ATP6V0A2: variants seen among roughly 807,000 people sequenced by gnomAD.
The protein encoded by ATP6V0A2 is V-type proton ATPase 116 kDa subunit a 2.
Under a neutral mutation model 104.4 loss-of-function variants are expected in ATP6V0A2, and 58 were observed. That is an observed-to-expected ratio of 0.56 (90% CI 0.45 to 0.69). ATP6V0A2 has a LOEUF of 0.69. ATP6V0A2 is among the 30% of genes least tolerant of loss of function. The pLI is 0.00. For missense variants in ATP6V0A2, 938 were observed against 1,062.9 expected (o/e 0.88, Z 1.63); for synonymous variants, 376 against 397.9 (o/e 0.95, Z 0.65).
chr12:123,741,299 A>T (rs1216915025), intron 9 of ATP6V0A2, among the ~76,000 whole-genome samples: 2 of 152,176 alleles, frequency 1.3e-5, no homozygotes, highest in East Asian at 3.8e-4. Context: ...AATAGAAAAA[A>T]AATTAGCCAG....
intron 17 of ATP6V0A2, 75 bp from the exon 18 acceptor site, chr12:123,754,345 G>A (rs1956743155): frequency 8.7e-7 from 1 of 1,149,382 alleles, no homozygotes; most frequent in Admixed American, 1.7e-5. Flanking sequence ...AATCCTTGAA[G>A]TGGAACCCAC....
intron 1 of ATP6V0A2, among the ~76,000 whole-genome samples, chr12:123,714,536 C>T (rs930415001): frequency 1.3e-5 from 2 of 152,154 alleles, no homozygotes; most frequent in African/African-American, 2.4e-5. Flanking sequence ...AGGGAAAGTT[C>T]GCACTTTTGT....
chr12:123,730,342 A>C (rs1431049347), intron 6 of ATP6V0A2, among the ~76,000 whole-genome samples: 1 of 151,990 alleles, frequency 6.6e-6, no homozygotes, highest in Non-Finnish European at 1.5e-5. Context: ...GGCGTGAGCC[A>C]CCACACCCGG....
rs554548406 is a variant in ATP6V0A2, at chr12:123,747,678, A to T, written c.1677A>T (p.Gly559=). The change falls in exon 14 of 20, where the codon GGA becomes GGT. Residue 559 remains glycine, a synonymous_variant. Coordinates refer to ENST00000330342, the MANE Select transcript of ATP6V0A2 (RefSeq NM_012463.4). ...SFKMKMSVIL[G]IIHMTFGVIL... ...AAATGAAAATGTCCGTGATTTTAGG[A>T]ATCATTCATATGACTTTTGGAGTCA... The T allele has an allele frequency of 3.7e-6, 6 of 1,613,204 alleles. No individual in the cohort carries two copies. Among genetic ancestry groups the T allele is most frequent in the South Asian group, 1.1e-5 (1 of 91,060 alleles).
At chr12:123,741,606 A>C (rs1052284779) in intron 9 of ATP6V0A2, among the ~76,000 whole-genome samples, 1 of 151,868 alleles carries the variant, frequency 6.6e-6, no homozygotes, top group Non-Finnish European at 1.5e-5. Flanking sequence ...ATGCCTGGCT[A>C]ATTTATTTAT....
chr12:123,730,346 C>T (rs1213342016), intron 6 of ATP6V0A2, among the ~76,000 whole-genome samples: 1 of 152,038 alleles, frequency 6.6e-6, no homozygotes. Context: ...TGAGCCACCA[C>T]ACCCGGCCAG....
Position 123,744,640 on chromosome 12 carries a change from T to C in ATP6V0A2, c.1370T>C (p.Met457Thr), listed in dbSNP as rs940156413. 1.2e-6 allele frequency: 2 copies of C among 1,613,824 alleles called. No homozygotes were observed. The highest frequency in any genetic ancestry group is 1.7e-6 in the Non-Finnish European group (2 of 1,180,026). The change falls in exon 12 of 20, where the codon ATG becomes ACG. Residue 457 changes from methionine to threonine, a missense_variant. Transcript: ENST00000330342. The surrounding 1 kb of genome is among the most constrained non-coding windows in gnomAD (Gnocchi z 5.4). ...AATGGCCGGTACATCCTCCTGCTGA[T>C]GGGGCTGTTCTCAGTGTACACTGGC... ...FFNGRYILLL[M>T]GLFSVYTGLI...
chr12:123,741,150 G>C (rs1956605373), intron 9 of ATP6V0A2, among the ~76,000 whole-genome samples: 2 of 152,062 alleles, frequency 1.3e-5, no homozygotes, highest in Admixed American at 6.6e-5. Context: ...AGACTTTTGA[G>C]GCTGGATGCG....
chr12:123,715,993 G>A (rs1956335144), intron 1 of ATP6V0A2, among the ~76,000 whole-genome samples: 1 of 151,780 alleles, frequency 6.6e-6, no homozygotes, highest in Non-Finnish European at 1.5e-5. Flanking sequence ...TCACTTCCCA[G>A]ACTAGATCAT....
At chr12:123,712,757 C>G (rs1593878295) in intron 1 of ATP6V0A2, 75 bp downstream of exon 1, 2 of 1,288,722 alleles carry the variant, frequency 1.6e-6, no homozygotes, top group African/African-American at 2.9e-5. Context: ...CTGGGGCCCT[C>G]CCGCGGGGAG....
rs1192655759 is a variant in ATP6V0A2, at chr12:123,737,960, G to C, written c.1038+689G>C. 2.6e-5 allele frequency among the ~76,000 whole-genome samples: 4 copies of C among 152,130 alleles called. No individual in the cohort carries two copies. The East Asian group carries it at 7.7e-4, about 29-fold the overall frequency. On this transcript the variant is annotated intron_variant, in intron 9 of 19. Transcript: ENST00000330342. ...ATTTAACTAGTTTTCTGGTCATTTA[G>C]GTAGTTTCCGCTTTTACAAATAGCA...
chr12:123,752,884 T>C (rs759276078), intron 17 of ATP6V0A2, among the ~76,000 whole-genome samples: 3 of 152,230 alleles, frequency 2.0e-5, no homozygotes, highest in Non-Finnish European at 4.4e-5. Flanking sequence ...TTCTTTATAT[T>C]GTGAAGTCAG....
At chr12:123,717,823 T>C (rs1400205866) in intron 1 of ATP6V0A2, among the ~76,000 whole-genome samples, 1 of 151,948 alleles carries the variant, frequency 6.6e-6, no homozygotes, top group Non-Finnish European at 1.5e-5. Context: ...TTTTTTCTTT[T>C]TCCCTGAGAT....
At chr12:123,757,039 C>A (rs1168350203) in intron 19 of ATP6V0A2, 53 bp downstream of exon 19, 1 of 1,592,344 alleles carries the variant, frequency 6.3e-7, no homozygotes, top group Non-Finnish European at 8.6e-7. Flanking sequence ...TACCCGCCCC[C>A]CCACTGCCCC....
At chr12:123,728,694 G>C (rs1486798644) in intron 6 of ATP6V0A2, among the ~76,000 whole-genome samples, 2 of 152,212 alleles carry the variant, frequency 1.3e-5, no homozygotes, top group African/African-American at 4.8e-5. Flanking sequence ...CAGGTCACGT[G>C]TCTCTGGCAG....
Position 123,744,487 on chromosome 12 carries a change from G to T in ATP6V0A2, c.1327-110G>T. The T allele has an allele frequency of 6.4e-7, 1 of 1,565,686 alleles. No individual in the cohort carries two copies. ...GCTGCGGCTGACAGGGATGTCTGCG[G>T]GGCGAGGCTGTTTTCTGAGAAGTGA... On this transcript the variant is annotated intron_variant, in intron 11 of 19. Transcript: ENST00000330342. This position sits in a 1 kb window ranked among gnomAD's most constrained non-coding sequence, Gnocchi z 5.4.
At chr12:123,724,547 AAAAC>A (rs1396095181) in intron 3 of ATP6V0A2, 103 bp from the exon 4 acceptor site, 11 of 1,289,768 alleles carry the variant, frequency 8.5e-6, no homozygotes, top group Admixed American at 2.1e-5. Context: ...AAAAAAGAAA[AAAAC>A]AAAACAAAAA....
intron 18 of ATP6V0A2, 181 bp downstream of exon 18, chr12:123,754,718 A>G (rs1956747335): frequency 1.6e-6 from 1 of 609,108 alleles, no homozygotes; most frequent in Non-Finnish European, 3.0e-6. Flanking sequence ...TTGGCTGAGG[A>G]GTGCTGTGGA....
chr12:123,722,662 C>T lies in ATP6V0A2; in HGVS notation c.294+214C>T, dbSNP rs9788204. On this transcript the variant is annotated intron_variant, in intron 3 of 19. Transcript: ENST00000330342. ...TTAACAGTAATTCAGTTTTCTTTTA[C>T]AGTGTAAGGCATATGCTTCCTTTCC... 0.54 allele frequency among the ~76,000 whole-genome samples: 81,245 copies of T among 151,640 alleles called. 23,585 individuals carry two copies. Among genetic ancestry groups the T allele is most frequent in the East Asian group, 0.94 (4,835 of 5,148 alleles).
Sources: gnomAD v4.1 joint callset for allele counts (sites outside exome capture counted in the v4.1 genomes callset) on GRCh38, gnomAD v4.1.1 for gene constraint, Gnocchi (gnomAD v3.1) non-coding constraint, MANE v1.5 for transcripts, NCBI Gene and HGNC (gene_info 2026-07-23, HGNC 2026-07-21) for gene names.